ZCWPW2: variants seen among roughly 807,000 people sequenced by gnomAD.
ZCWPW2 encodes zinc finger CW-type PWWP domain protein 2.
Under a neutral mutation model 46.6 loss-of-function variants are expected in ZCWPW2, and 45 were observed. The ratio of observed to expected loss-of-function variants is 0.96; its 90% CI spans 0.76 to 1.24. The LOEUF is 1.24. ZCWPW2 is among the 50% of genes most tolerant of loss of function. The pLI is 0.00. For synonymous variants in ZCWPW2, 152 were observed against 137.1 expected, an observed-to-expected ratio of 1.11 and a Z score of -0.76; for missense variants, 429 against 403.9, an observed-to-expected ratio of 1.06 and a Z score of -0.53.
intron 1 of ZCWPW2, among the ~76,000 whole-genome samples, chr3:28,350,741 G>GTA (rs1415676263): frequency 6.6e-5 from 10 of 151,790 alleles, no homozygotes; most frequent in Non-Finnish European, 1.3e-4. Flanking sequence ...ATATAATCAT[G>GTA]TATTAAAGGT....
At chr3:28,448,569 G>GT (rs1698086922) in intron 4 of ZCWPW2, among the ~76,000 whole-genome samples, 1 of 151,718 alleles carries the variant, frequency 6.6e-6, no homozygotes, top group Non-Finnish European at 1.5e-5. Flanking sequence ...TGTAACACTT[G>GT]GGGCCAGGAG....
intron 4 of ZCWPW2, among the ~76,000 whole-genome samples, chr3:28,460,676 A>G (rs980884624): frequency 2.0e-5 from 3 of 152,202 alleles, no homozygotes; most frequent in Non-Finnish European, 4.4e-5. Context: ...TGTTGCAGAA[A>G]TCCAATTTAA....
At chr3:28,368,450 T>G (rs928746350) in intron 1 of ZCWPW2, among the ~76,000 whole-genome samples, 5 of 152,208 alleles carry the variant, frequency 3.3e-5, no homozygotes, top group African/African-American at 1.2e-4. Flanking sequence ...AATGCTGGGT[T>G]GAAATTTCTT....
At chr3:28,521,736 T>A (rs370064357) in intron 9 of ZCWPW2, among the ~76,000 whole-genome samples, 3 of 152,120 alleles carry the variant, frequency 2.0e-5, no homozygotes, top group South Asian at 2.1e-4. Flanking sequence ...AGCAGCGATG[T>A]GGTAGGTATG....
At chr3:28,412,255 G>C (rs539822006) in intron 2 of ZCWPW2, among the ~76,000 whole-genome samples, 32 of 151,564 alleles carry the variant, frequency 2.1e-4, no homozygotes, top group African/African-American at 7.7e-4. Context: ...ATTGAAGCCA[G>C]AATTTGGGGG....
chr3:28,507,227 A>G (rs1450332258), intron 6 of ZCWPW2, among the ~76,000 whole-genome samples: 2 of 152,190 alleles, frequency 1.3e-5, no homozygotes, highest in African/African-American at 4.8e-5. Context: ...ATTGTGGAAT[A>G]TTTAACAAAG....
intron 2 of ZCWPW2, among the ~76,000 whole-genome samples, chr3:28,396,775 A>G (rs1425089175): frequency 2.0e-5 from 3 of 152,218 alleles, no homozygotes; most frequent in Non-Finnish European, 4.4e-5. Context: ...AATTTCTATC[A>G]TAAGTAGCCG....
chr3:28,520,939 G>T (rs2125839123), intron 8 of ZCWPW2, 53 bp from the exon 9 acceptor site: 1 of 1,598,290 alleles, frequency 6.3e-7, no homozygotes, highest in Non-Finnish European at 8.5e-7. Flanking sequence ...TTATGAATTA[G>T]ATTGAATTAA....
intron 8 of ZCWPW2, among the ~76,000 whole-genome samples, chr3:28,519,279 A>G (rs539313296): frequency 6.6e-6 from 1 of 152,322 alleles, no homozygotes; most frequent in South Asian, 2.1e-4. Flanking sequence ...GAAATTGACT[A>G]GAAGGAGGTG....
At chr3:28,511,142 A>G (rs1389614662) in intron 6 of ZCWPW2, 15 of 439,360 alleles carry the variant, frequency 3.4e-5, no homozygotes, top group Admixed American at 1.2e-4. Flanking sequence ...ATGTATGACA[A>G]TCTGGAAGAT....
chr3:28,353,197 T>A (rs1704620075), intron 1 of ZCWPW2, among the ~76,000 whole-genome samples: 1 of 151,338 alleles, frequency 6.6e-6, no homozygotes, highest in African/African-American at 2.4e-5. Context: ...AAAAAAAAAA[T>A]CCTTTATATA....
intron 1 of ZCWPW2, among the ~76,000 whole-genome samples, chr3:28,390,036 C>A (rs1241602519): frequency 6.6e-6 from 1 of 152,166 alleles, no homozygotes; most frequent in Non-Finnish European, 1.5e-5. Flanking sequence ...TACCTAGGCA[C>A]CATGGCCCAG....
intron 5 of ZCWPW2, among the ~76,000 whole-genome samples, chr3:28,483,449 A>C (rs1253715018): frequency 1.3e-5 from 2 of 152,052 alleles, no homozygotes; most frequent in Non-Finnish European, 2.9e-5. Flanking sequence ...TTCTCCTTCC[A>C]TATTGGGTTG....
At chr3:28,429,636 A>T (rs887044625) in intron 3 of ZCWPW2, among the ~76,000 whole-genome samples, 1 of 152,192 alleles carries the variant, frequency 6.6e-6, no homozygotes, top group Non-Finnish European at 1.5e-5. Flanking sequence ...TCTCCAGGGC[A>T]TATCAGAGGT....
chr3:28,485,088 G>T (rs1699553030), intron 5 of ZCWPW2, among the ~76,000 whole-genome samples: 1 of 149,438 alleles, frequency 6.7e-6, no homozygotes, highest in African/African-American at 2.5e-5. Context: ...TGATTGATAA[G>T]TTGCACTTTC....
At chr3:28,399,522 A>G (rs1349220447) in intron 2 of ZCWPW2, among the ~76,000 whole-genome samples, 1 of 152,182 alleles carries the variant, frequency 6.6e-6, no homozygotes, top group African/African-American at 2.4e-5. Context: ...GGAACCTCCC[A>G]GAGTCCATTT....
intron 6 of ZCWPW2, among the ~76,000 whole-genome samples, chr3:28,506,966 A>G (rs1700294760): frequency 6.6e-6 from 1 of 152,164 alleles, no homozygotes; most frequent in Admixed American, 6.6e-5. Flanking sequence ...GGCATCATTT[A>G]ACAAAAGAAG....
intron 6 of ZCWPW2, among the ~76,000 whole-genome samples, chr3:28,497,046 A>G (rs1212153886): frequency 6.7e-6 from 1 of 149,850 alleles, no homozygotes; most frequent in Non-Finnish European, 1.5e-5. Context: ...TATACATTAT[A>G]TAATACATTA....
intron 1 of ZCWPW2, among the ~76,000 whole-genome samples, chr3:28,361,695 CCT>C (rs1034341175): frequency 1.3e-5 from 2 of 151,458 alleles, no homozygotes; most frequent in African/African-American, 4.9e-5. Flanking sequence ...CAAAAAAAAA[CCT>C]GATTAAAAAT....
Sources: gnomAD v4.1 joint callset for allele counts (sites outside exome capture counted in the v4.1 genomes callset) on GRCh38, gnomAD v4.1.1 for gene constraint, MANE v1.5 for transcripts, NCBI Gene and HGNC (gene_info 2026-07-23, HGNC 2026-07-21) for gene names.